The following KCNH7 variants were observed in gnomAD, a reference collection of about 807,000 sequenced individuals.
KCNH7 encodes the protein voltage-gated inwardly rectifying potassium channel KCNH7.
Under a neutral mutation model 120.8 loss-of-function variants are expected in KCNH7, and 49 were observed. That is an observed-to-expected ratio of 0.41 (90% CI 0.32 to 0.51). The LOEUF (loss-of-function observed/expected upper bound fraction) is 0.51, where lower values mean the gene tolerates loss of function less well. Ranked by LOEUF, KCNH7 falls within the 20% of genes least tolerant of loss-of-function variation. The pLI is 0.38. For synonymous variants in KCNH7, 547 were observed against 516.1 expected (o/e 1.06, Z -0.81); for missense variants, 1,097 against 1,446.6 (o/e 0.76, Z 3.92).
intron 2 of KCNH7, among the ~76,000 whole-genome samples, chr2:162,744,808 C>T (rs1390428502): frequency 6.6e-6 from 1 of 152,006 alleles, no homozygotes; most frequent in Non-Finnish European, 1.5e-5. Flanking sequence ...CTCCTGACCT[C>T]GTGATCCGCC....
chr2:162,760,479 A>T (rs1688932608), intron 2 of KCNH7, among the ~76,000 whole-genome samples: 2 of 152,230 alleles, frequency 1.3e-5, no homozygotes, highest in Admixed American at 6.6e-5. Context: ...CCATGCAATA[A>T]TTCTGCGTCC....
chr2:162,710,239 T>A (rs1023583452), intron 2 of KCNH7, among the ~76,000 whole-genome samples: 8 of 152,140 alleles, frequency 5.3e-5, no homozygotes, highest in Non-Finnish European at 1.0e-4. Flanking sequence ...TTATAGACCC[T>A]GAAGCACTAA....
chr2:162,550,578 C>T (rs1692635922), intron 2 of KCNH7, among the ~76,000 whole-genome samples: 1 of 151,994 alleles, frequency 6.6e-6, no homozygotes, highest in Admixed American at 6.6e-5. Context: ...TGCTGCTTGC[C>T]CCTGGTGGCT....
intron 2 of KCNH7, among the ~76,000 whole-genome samples, chr2:162,564,729 G>A (rs1322460859): frequency 1.3e-5 from 2 of 151,996 alleles, no homozygotes; most frequent in Non-Finnish European, 2.9e-5. Flanking sequence ...TAATATTTTT[G>A]CATCTGTAAA....
At position 162,511,480 on chromosome 2, in the gene KCNH7, CAAA is replaced by C. The variant is rs34204046; in HGVS notation, c.913+1171_913+1173del. ...CTTTTAGAAATCACAGTGGACAGGT[CAAA>C]AAAAAAAAAAAAAAAAAAGAACAAT... On this transcript the variant is annotated intron_variant, in intron 5 of 15. Coordinates refer to ENST00000332142, the MANE Select transcript of KCNH7 (RefSeq NM_033272.4). Among the ~76,000 whole-genome samples the C allele has an allele frequency of 8.1e-3, 777 of 95,992 alleles. 8 individuals are homozygous for C. Among genetic ancestry groups the C allele is most frequent in the African/African-American group, 0.023 (621 of 26,492 alleles). The allele number at this position is 95,992 out of a possible 152,430, so 63.0% of individuals were successfully genotyped here.
chr2:162,722,254 G>A (rs1687345860), intron 2 of KCNH7, among the ~76,000 whole-genome samples: 1 of 151,978 alleles, frequency 6.6e-6, no homozygotes, highest in Non-Finnish European at 1.5e-5. Context: ...AGAAGAAGAA[G>A]TCATTAAAAA....
intron 2 of KCNH7, among the ~76,000 whole-genome samples, chr2:162,633,525 A>G (rs1253528172): frequency 6.6e-6 from 1 of 150,580 alleles, no homozygotes; most frequent in East Asian, 2.0e-4. Flanking sequence ...TTTAAAGTTT[A>G]GTATGCTTTC....
At chr2:162,646,670 A>G (rs898545486) in intron 2 of KCNH7, among the ~76,000 whole-genome samples, 37 of 152,226 alleles carry the variant, frequency 2.4e-4, no homozygotes, top group African/African-American at 8.9e-4. Context: ...TTCCAGTTTG[A>G]AGACAAAGGG....
chr2:162,627,920 T>C (rs1683616365), intron 2 of KCNH7, among the ~76,000 whole-genome samples: 1 of 152,114 alleles, frequency 6.6e-6, no homozygotes, highest in Non-Finnish European at 1.5e-5. Flanking sequence ...GACAGAATTA[T>C]TGACTATAAA....
chr2:162,689,393 C>A (rs1262052126), intron 2 of KCNH7, among the ~76,000 whole-genome samples: 3 of 152,000 alleles, frequency 2.0e-5, no homozygotes, highest in African/African-American at 7.2e-5. Flanking sequence ...CTCAGGTGAT[C>A]CACCTGCCTC....
At chr2:162,813,813 GACT>G (rs1355789307) in intron 2 of KCNH7, among the ~76,000 whole-genome samples, 7 of 152,124 alleles carry the variant, frequency 4.6e-5, no homozygotes, top group Admixed American at 4.6e-4. Context: ...TTACTTCCAA[GACT>G]ACTAACTTCT....
chr2:162,384,803 G>A lies in KCNH7; in HGVS notation c.2847C>T (p.Phe949=), dbSNP rs1686527259. The A allele has an allele frequency of 6.2e-7, 1 of 1,612,880 alleles. No homozygotes were observed. The highest frequency in any genetic ancestry group is 1.1e-5 in the South Asian group (1 of 91,066). Residue 949 remains phenylalanine (F), a synonymous_variant, in exon 13 of 16, where the codon TTC becomes TTT. Transcript: ENST00000332142. Reference sequence around the variant, plus strand: ...CTGGAGAAGAGTCTACTATTCCTGAGAAGAGCGGCTTTTGTTCATCATCAA... The same window carrying A: ...CTGGAGAAGAGTCTACTATTCCTGAAAAGAGCGGCTTTTGTTCATCATCAA... ...SSIDDEQKPL[F]SGIVDSSPGI... is the part of the protein sequence containing the mutation.
At chr2:162,650,853 A>C (rs991397388) in intron 2 of KCNH7, among the ~76,000 whole-genome samples, 1 of 152,194 alleles carries the variant, frequency 6.6e-6, no homozygotes, top group African/African-American at 2.4e-5. Context: ...GACTGAGTAA[A>C]TAAACAGAAG....
chr2:162,464,721 C>T (rs1315348586), intron 6 of KCNH7, among the ~76,000 whole-genome samples: 2 of 152,000 alleles, frequency 1.3e-5, no homozygotes, highest in Non-Finnish European at 2.9e-5. Flanking sequence ...GACAGTTCAT[C>T]AAATTTTACG....
chr2:162,821,390 T>G (rs980768989), intron 2 of KCNH7, among the ~76,000 whole-genome samples: 1 of 152,234 alleles, frequency 6.6e-6, no homozygotes, highest in Non-Finnish European at 1.5e-5. Context: ...TGCCATTTAT[T>G]CTTTAGAGGA....
At chr2:162,784,083 A>G (rs1683607639) in intron 2 of KCNH7, among the ~76,000 whole-genome samples, 1 of 152,142 alleles carries the variant, frequency 6.6e-6, no homozygotes, top group African/African-American at 2.4e-5. Context: ...GTCTGAATTT[A>G]TATATTTTTT....
chr2:162,528,940 G>GT (rs1430408814), intron 3 of KCNH7, among the ~76,000 whole-genome samples: 1 of 151,932 alleles, frequency 6.6e-6, no homozygotes, highest in African/African-American at 2.4e-5. Flanking sequence ...GAGAAGTTTA[G>GT]TATCATGCCG....
intron 2 of KCNH7, among the ~76,000 whole-genome samples, chr2:162,815,461 A>T (rs1684884380): frequency 1.3e-5 from 2 of 152,184 alleles, no homozygotes; most frequent in African/African-American, 4.8e-5. Context: ...AAATCTTATG[A>T]AGTAATGCAA....
At chr2:162,704,897 C>T (rs745480974) in intron 2 of KCNH7, among the ~76,000 whole-genome samples, 1 of 152,110 alleles carries the variant, frequency 6.6e-6, no homozygotes, top group African/African-American at 2.4e-5. Context: ...AGGGGAATTT[C>T]AAGAGTCTCA....
Sources: gnomAD v4.1 joint callset for allele counts (sites outside exome capture counted in the v4.1 genomes callset) on GRCh38, gnomAD v4.1.1 for gene constraint, MANE v1.5 for transcripts, NCBI Gene and HGNC (gene_info 2026-07-23, HGNC 2026-07-21) for gene names.